The following PALLD variants were observed in gnomAD, a reference collection of about 807,000 sequenced individuals.
The protein encoded by PALLD is palladin.
In PALLD, 61 loss-of-function variants were observed where a neutral mutation model predicts 123.5. The observed-to-expected ratio is 0.49, with a 90% confidence interval of 0.40 to 0.61. PALLD has a LOEUF of 0.61. Ranked by LOEUF, PALLD falls within the 20% of genes least tolerant of loss-of-function variation. The pLI is 0.00. For missense variants in PALLD, 1,273 were observed against 1,377.0 expected (o/e 0.92, Z 1.20); for synonymous variants, 465 against 496.4 (o/e 0.94, Z 0.84).
intron 1 of PALLD, among the ~76,000 whole-genome samples, chr4:168,506,397 G>GC (rs1331160091): frequency 4.7e-5 from 7 of 149,916 alleles, no homozygotes; most frequent in Non-Finnish European, 8.9e-5. Flanking sequence ...CTCTCTTACC[G>GC]CCCCCCATGC....
chr4:168,877,617 C>A, intron 10 of PALLD: 1 of 433,290 alleles, frequency 2.3e-6, no homozygotes, highest in Non-Finnish European at 3.2e-6. Context: ...GTGTTCTCTG[C>A]AGCTGGCCTA....
intron 10 of PALLD, among the ~76,000 whole-genome samples, chr4:168,726,462 A>C (rs13137835): frequency 0.33 from 50,525 of 152,032 alleles, 8,709 homozygotes; most frequent in Non-Finnish European, 0.38. Flanking sequence ...CTCTTCTTTA[A>C]GGTGTTGTAC....
intron 12 of PALLD, among the ~76,000 whole-genome samples, chr4:168,896,208 C>A (rs370845963): frequency 2.1e-3 from 283 of 132,016 alleles, no homozygotes; most frequent in East Asian, 3.5e-3. Context: ...GACTCCATCT[C>A]AAAAAAAAAA....
At chr4:168,877,844 G>C in intron 10 of PALLD, 3 of 1,345,076 alleles carry the variant, frequency 2.2e-6, no homozygotes, top group Non-Finnish European at 1.9e-6. Flanking sequence ...GCCGCCGCCC[G>C]CCTTCCCCGA....
intron 2 of PALLD, among the ~76,000 whole-genome samples, chr4:168,625,500 G>GATATATATATATATATATATATATAT (rs1554052783): frequency 7.1e-4 from 25 of 35,244 alleles, no homozygotes; most frequent in Admixed American, 1.7e-3. Flanking sequence ...TAATATCCAG[G>GATATATATATATATATATATATATAT]AGATATATAT....
intron 2 of PALLD, among the ~76,000 whole-genome samples, chr4:168,627,246 A>C (rs1775387130): frequency 6.6e-6 from 1 of 152,242 alleles, no homozygotes; most frequent in Non-Finnish European, 1.5e-5. Flanking sequence ...ACGGTGGCTC[A>C]TGCCTCTAAT....
intron 10 of PALLD, among the ~76,000 whole-genome samples, chr4:168,779,647 T>C (rs943229459): frequency 2.4e-4 from 36 of 152,126 alleles, no homozygotes; most frequent in African/African-American, 8.0e-4. Context: ...TAAAACTCTT[T>C]ATACTCTGTC....
chr4:168,917,038 GT>G (rs1216850276), intron 17 of PALLD, among the ~76,000 whole-genome samples: 2 of 135,420 alleles, frequency 1.5e-5, no homozygotes, highest in South Asian at 2.3e-4. Flanking sequence ...AGGGCTTTTT[GT>G]TTTTTTGGGG....
chr4:168,552,176 T>C (rs1766804785), intron 2 of PALLD, among the ~76,000 whole-genome samples: 2 of 152,102 alleles, frequency 1.3e-5, no homozygotes, highest in Non-Finnish European at 2.9e-5. Context: ...AGTGAGGAGT[T>C]TGTATTTGAC....
chr4:168,691,341 A>G, intron 8 of PALLD, 49 bp downstream of exon 8: 1 of 1,502,632 alleles, frequency 6.7e-7, no homozygotes, highest in South Asian at 1.2e-5. Flanking sequence ...GGAGCAGATA[A>G]TGTATCTTTT....
chr4:168,565,543 G>A (rs185029769), intron 2 of PALLD, among the ~76,000 whole-genome samples: 1 of 152,056 alleles, frequency 6.6e-6, no homozygotes, highest in African/African-American at 2.4e-5. Context: ...AGCCAGAGGA[G>A]CTCCAGAGAG....
intron 10 of PALLD, among the ~76,000 whole-genome samples, chr4:168,736,677 A>G (rs1010361946): frequency 1.3e-5 from 2 of 152,160 alleles, no homozygotes; most frequent in Admixed American, 6.5e-5. Context: ...ATCTCCATCC[A>G]CCATCTGAAC....
chr4:168,807,218 C>CTAAA (rs1279568697), intron 10 of PALLD, among the ~76,000 whole-genome samples: 3 of 151,672 alleles, frequency 2.0e-5, no homozygotes, highest in Admixed American at 1.3e-4. Context: ...ATTCATGAGA[C>CTAAA]TAAAGGCTTT....
At chr4:168,714,650 A>C (rs905002546) in intron 10 of PALLD, among the ~76,000 whole-genome samples, 25 of 152,132 alleles carry the variant, frequency 1.6e-4, no homozygotes, top group African/African-American at 6.0e-4. Flanking sequence ...TCATCGGTTT[A>C]TGATTTGATT....
intron 10 of PALLD, among the ~76,000 whole-genome samples, chr4:168,761,548 C>T (rs1275810289): frequency 1.3e-5 from 2 of 151,846 alleles, no homozygotes; most frequent in African/African-American, 4.8e-5. Flanking sequence ...ACAACCTCCG[C>T]CTCCCGGGCT....
intron 2 of PALLD, among the ~76,000 whole-genome samples, chr4:168,553,712 CCTTG>C (rs1766981975): frequency 2.6e-5 from 4 of 151,762 alleles, no homozygotes; most frequent in African/African-American, 9.7e-5. Flanking sequence ...TTGTTGTTGG[CCTTG>C]CTTTGTTTTT....
intron 2 of PALLD, among the ~76,000 whole-genome samples, chr4:168,553,747 T>C (rs2149548155): frequency 6.6e-6 from 1 of 152,252 alleles, no homozygotes; most frequent in South Asian, 2.1e-4. Context: ...TTTCCTTATG[T>C]CTAACTTAGA....
chr4:168,604,101 A>G (rs1389796091), intron 2 of PALLD, among the ~76,000 whole-genome samples: 1 of 152,234 alleles, frequency 6.6e-6, no homozygotes, highest in Non-Finnish European at 1.5e-5. Context: ...AAAGTAATTC[A>G]TGAGAGCTGC....
intron 10 of PALLD, among the ~76,000 whole-genome samples, chr4:168,829,607 C>T (rs1045521501): frequency 1.2e-4 from 19 of 152,186 alleles, no homozygotes; most frequent in African/African-American, 3.6e-4. Flanking sequence ...ACAGATCACA[C>T]GTCCTAACTC....
Sources: gnomAD v4.1 joint callset for allele counts (sites outside exome capture counted in the v4.1 genomes callset) on GRCh38, gnomAD v4.1.1 for gene constraint, MANE v1.5 for transcripts, NCBI Gene and HGNC (gene_info 2026-07-23, HGNC 2026-07-21) for gene names.